The following KCNIP1 variants were observed in gnomAD, a reference collection of about 807,000 sequenced individuals.
KCNIP1 encodes A-type potassium channel modulatory protein KCNIP1.
A neutral mutation model predicts 33.0 loss-of-function variants in KCNIP1; 18 were observed. The ratio of observed to expected loss-of-function variants is 0.55; its 90% CI spans 0.38 to 0.81. KCNIP1 has a LOEUF of 0.81. KCNIP1 is among the 30% of genes least tolerant of loss of function. The pLI is 0.00. For synonymous variants in KCNIP1, 93 were observed against 98.3 expected (o/e 0.95, Z 0.32); for missense variants, 238 against 271.6 (o/e 0.88, Z 0.87).
At chr5:170,510,756 G>A (rs1754902777) in intron 1 of KCNIP1, among the ~76,000 whole-genome samples, 1 of 152,160 alleles carries the variant, frequency 6.6e-6, no homozygotes, top group African/African-American at 2.4e-5. Flanking sequence ...CATTGGTGCG[G>A]TGGGGGGAAG....
At chr5:170,527,386 T>C (rs910150760) in intron 1 of KCNIP1, among the ~76,000 whole-genome samples, 1 of 152,012 alleles carries the variant, frequency 6.6e-6, no homozygotes, top group Non-Finnish European at 1.5e-5. Flanking sequence ...AAGTAGAAAA[T>C]ACCTGGGCTT....
chr5:170,696,383 C>T (rs1250439875), intron 1 of KCNIP1, among the ~76,000 whole-genome samples: 1 of 152,098 alleles, frequency 6.6e-6, no homozygotes, highest in Admixed American at 6.5e-5. Context: ...AAATGAGTGG[C>T]TGAATGGCCA....
At position 170,456,695 on chromosome 5, in the gene KCNIP1, C is replaced by CTTTT. The variant is rs1395949267; in HGVS notation, c.88+102732_88+102733insTTTT. Reference sequence around the variant, plus strand: ...TTTCTCTTTCTTTCTTTCTCTCTCTCTCTCTTTTTCTTTCTTTCTTTCTTT... The same window carrying CTTTT: ...TTTCTCTTTCTTTCTTTCTCTCTCTCTTTTTCTCTTTTTCTTTCTTTCTTTCTTT... On this transcript the variant is annotated intron_variant, in intron 1 of 7. Transcript: ENST00000377360. Among the ~76,000 whole-genome samples, 457 of 72,858 alleles carry CTTTT rather than the reference C, an allele frequency of 6.3e-3. 6 individuals carry two copies. The highest frequency in any genetic ancestry group is 0.029 in the African/African-American group (423 of 14,728). 47.8% of individuals were successfully genotyped at this position (72,858 alleles called of 152,430 possible). A position where few individuals can be genotyped will look rare whatever the true frequency, so the allele number is the denominator to read the frequency against.
chr5:170,385,878 C>T (rs904225672), intron 1 of KCNIP1, among the ~76,000 whole-genome samples: 5 of 151,764 alleles, frequency 3.3e-5, no homozygotes, highest in African/African-American at 9.7e-5. Context: ...CCAGCACTTT[C>T]GGAGACCGAG....
chr5:170,462,399 C>T (rs1756525739), intron 1 of KCNIP1, among the ~76,000 whole-genome samples: 1 of 151,658 alleles, frequency 6.6e-6, no homozygotes, highest in South Asian at 2.1e-4. Flanking sequence ...CACTAATGAT[C>T]AGGGAAATGA....
intron 1 of KCNIP1, among the ~76,000 whole-genome samples, chr5:170,456,348 T>C (rs141213931): frequency 6.6e-6 from 1 of 151,946 alleles, no homozygotes; most frequent in Non-Finnish European, 1.5e-5. Context: ...TTAGGACAAA[T>C]ACCTCATGCA....
intron 1 of KCNIP1, among the ~76,000 whole-genome samples, chr5:170,526,570 G>A (rs1273791076): frequency 6.6e-6 from 1 of 152,068 alleles, no homozygotes; most frequent in East Asian, 1.9e-4. Context: ...TGGACTTGGG[G>A]AGTCACCAAT....
intron 3 of KCNIP1, 128 bp from the exon 4 acceptor site, chr5:170,721,705 A>G (rs1334934687): frequency 1.2e-6 from 2 of 1,606,368 alleles, no homozygotes; most frequent in East Asian, 2.2e-5. Flanking sequence ...CCCACTCCAT[A>G]ATTTTCTCCT....
intron 1 of KCNIP1, among the ~76,000 whole-genome samples, chr5:170,549,351 G>A (rs767297364): frequency 1.3e-5 from 2 of 152,042 alleles, no homozygotes; most frequent in African/African-American, 2.4e-5. Flanking sequence ...GTGCAGTTTC[G>A]TTATATGGAA....
At chr5:170,574,512 C>T (rs538897143) in intron 1 of KCNIP1, among the ~76,000 whole-genome samples, 1 of 152,238 alleles carries the variant, frequency 6.6e-6, no homozygotes, top group Non-Finnish European at 1.5e-5. Context: ...CCTCCTACCA[C>T]ACAGTTCAAA....
chr5:170,383,983 T>C (rs571837509), intron 1 of KCNIP1: 6 of 877,924 alleles, frequency 6.8e-6, no homozygotes, highest in East Asian at 5.3e-5. Flanking sequence ...GTCTTCAGCA[T>C]CCAGCAATAA....
intron 1 of KCNIP1, among the ~76,000 whole-genome samples, chr5:170,586,930 C>T (rs1030857129): frequency 6.6e-6 from 1 of 152,172 alleles, no homozygotes; most frequent in South Asian, 2.1e-4. Context: ...AATAGATGAG[C>T]TCTCTCTGTC....
At chr5:170,706,195 C>T (rs890860093) in intron 1 of KCNIP1, among the ~76,000 whole-genome samples, 7 of 152,170 alleles carry the variant, frequency 4.6e-5, no homozygotes, top group South Asian at 2.1e-4. Context: ...TATGTTCACA[C>T]GAACAACAAA....
At chr5:170,499,503 C>T (rs192863955), upstream of KCNIP1, among the ~76,000 whole-genome samples, 6 of 152,354 alleles carry the variant, frequency 3.9e-5, no homozygotes, top group East Asian at 3.9e-4. Flanking sequence ...GTTCAGAGAT[C>T]GTACTCATCA....
chr5:170,518,573 T>A (rs1233596761), intron 1 of KCNIP1, among the ~76,000 whole-genome samples: 1 of 152,106 alleles, frequency 6.6e-6, no homozygotes, highest in Admixed American at 6.6e-5. Flanking sequence ...CTCATCAGAG[T>A]TAAATGTTTC....
intron 1 of KCNIP1, among the ~76,000 whole-genome samples, chr5:170,685,396 A>G (rs1388578914): frequency 1.3e-5 from 2 of 149,854 alleles, no homozygotes; most frequent in Non-Finnish European, 3.0e-5. Flanking sequence ...AGACTCTTGC[A>G]GCTGAGAGAG....
chr5:170,378,565 G>A (rs770812987), intron 1 of KCNIP1: 1 of 921,328 alleles, frequency 1.1e-6, no homozygotes, highest in Non-Finnish European at 1.7e-6. Flanking sequence ...GGTTAGTCCT[G>A]CAACAGAAGA....
intron 1 of KCNIP1, among the ~76,000 whole-genome samples, chr5:170,386,840 T>C (rs314111): frequency 0.12 from 18,233 of 151,966 alleles, 1,271 homozygotes; most frequent in East Asian, 0.21. Flanking sequence ...TTGCTTTCCT[T>C]CTCTCCTCTT....
chr5:170,611,231 G>C (rs944911266), intron 1 of KCNIP1, among the ~76,000 whole-genome samples: 1 of 152,238 alleles, frequency 6.6e-6, no homozygotes, highest in African/African-American at 2.4e-5. Flanking sequence ...CAGGACAGAT[G>C]CTTAGAATGT....
Sources: allele counts gnomAD v4.1 joint callset (sites outside exome capture counted in the v4.1 genomes callset), GRCh38; gene constraint gnomAD v4.1.1; transcripts MANE v1.5; gene names NCBI Gene and HGNC (gene_info 2026-07-23, HGNC 2026-07-21).